SEMA6D: variants seen among roughly 807,000 people sequenced by gnomAD.
SEMA6D encodes semaphorin-6D.
Under a neutral mutation model 106.6 loss-of-function variants are expected in SEMA6D, and 35 were observed. The ratio of observed to expected loss-of-function variants is 0.33; its 90% CI spans 0.25 to 0.44. The LOEUF (loss-of-function observed/expected upper bound fraction) is 0.44, where lower values mean the gene tolerates loss of function less well. Ranked by LOEUF, SEMA6D falls within the 20% of genes least tolerant of loss-of-function variation. The pLI is 1.00. For missense variants in SEMA6D, 1,185 were observed against 1,345.9 expected, an observed-to-expected ratio of 0.88 and a Z score of 1.87; for synonymous variants, 499 against 487.7, an observed-to-expected ratio of 1.02 and a Z score of -0.31.
rs148146794 is a variant in SEMA6D, at chr15:47,199,415, C to A, written c.-239+14997C>A. ...TGAGTAAGGCAAAGGTATAAGCAAGCCACTTAGAGCTCTGTACTCTAGGAA... is the reference window on the plus strand; with the variant it reads ...TGAGTAAGGCAAAGGTATAAGCAAGACACTTAGAGCTCTGTACTCTAGGAA... On this transcript the variant is annotated intron_variant, in intron 1 of 19. Transcript: ENST00000558014. Among the ~76,000 whole-genome samples, 25 of 152,242 alleles carry A rather than the reference C, an allele frequency of 1.6e-4. 1 individual carries two copies. In the East Asian group the frequency reaches 4.8e-3, roughly 29 times the overall value.
chr15:47,564,720 G>C (rs985473455), intron 3 of SEMA6D, among the ~76,000 whole-genome samples: 12 of 152,208 alleles, frequency 7.9e-5, no homozygotes, highest in Non-Finnish European at 8.8e-5. Context: ...TGAGACCATG[G>C]CCCAAAGTGA....
rs1382930457 is a variant in SEMA6D, at chr15:47,771,757, T to C, written c.3194T>C (p.Val1065Ala). Reference protein sequence around the residue: ...KPSFVPQTPSVRPLNKYTY With the variant: ...KPSFVPQTPSARPLNKYTY The stretch of plus-strand genomic sequence containing the variant: ...TCCTTTGTTCCTCAAACCCCATCTG[T>C]CAGACCACTGAACAAATACACATAC... Residue 1065 changes from valine (V) to alanine (A), a missense_variant, in exon 19 of 19, where the codon GTC (valine) becomes GCC (alanine). This residue lies in a region of SEMA6D where 750 missense variants were observed against 783.5 expected (regional missense o/e 0.96). Coordinates refer to ENST00000536845, the MANE Select transcript of SEMA6D (RefSeq NM_001358351.3). 1.2e-6 allele frequency: 2 copies of C among 1,613,746 alleles called. No individual in the cohort carries two copies. Among genetic ancestry groups the C allele is most frequent in the Non-Finnish European group, 1.7e-6 (2 of 1,179,830 alleles).
intron 1 of SEMA6D, among the ~76,000 whole-genome samples, chr15:47,294,029 C>CT (rs558386835): frequency 3.3e-5 from 5 of 152,046 alleles, no homozygotes; most frequent in South Asian, 2.1e-4. Context: ...GTTGAAGCAA[C>CT]TTTTTTTTGT....
At chr15:47,228,862 C>G (rs2031992084) in intron 1 of SEMA6D, among the ~76,000 whole-genome samples, 3 of 151,966 alleles carry the variant, frequency 2.0e-5, no homozygotes. Context: ...CACCTAGTGA[C>G]AAATAAATGA....
At chr15:47,437,473 T>C (rs1376023386) in intron 2 of SEMA6D, among the ~76,000 whole-genome samples, 1 of 152,088 alleles carries the variant, frequency 6.6e-6, no homozygotes, top group Non-Finnish European at 1.5e-5. Flanking sequence ...GAAAATAAAT[T>C]GTGTAAATTT....
chr15:47,635,174 C>T (rs2077364923), intron 4 of SEMA6D, among the ~76,000 whole-genome samples: 1 of 152,094 alleles, frequency 6.6e-6, no homozygotes, highest in African/African-American at 2.4e-5. Flanking sequence ...ATGGGAAAGA[C>T]ACTATGATGA....
chr15:47,516,618 A>G (rs1318376141), intron 3 of SEMA6D, among the ~76,000 whole-genome samples: 1 of 152,194 alleles, frequency 6.6e-6, no homozygotes, highest in Non-Finnish European at 1.5e-5. Context: ...ACTAAGGGAC[A>G]GAAAAGCCCC....
chr15:47,381,889 G>T (rs149975805), intron 1 of SEMA6D, among the ~76,000 whole-genome samples: 2 of 152,104 alleles, frequency 1.3e-5, no homozygotes, highest in African/African-American at 4.8e-5. Context: ...AATGGTCTTT[G>T]TCCTACTTGG....
rs73392821 is a variant in SEMA6D at position 47,641,639 on chromosome 15, A to G, written c.-55+40743A>G. On this transcript the variant is annotated intron_variant, in intron 4 of 19. Transcript: ENST00000558014. ...CCCTGGCTTTACCAGCTTAATTCCT[A>G]TTGTGTGTTGCAGGACATCACAGGC... Among the ~76,000 whole-genome samples the G allele has an allele frequency of 8.3e-3, 1,260 of 152,202 alleles. 14 individuals carry two copies. The highest frequency in any genetic ancestry group is 0.029 in the African/African-American group (1,221 of 41,532).
intron 4 of SEMA6D, among the ~76,000 whole-genome samples, chr15:47,606,916 GC>G (rs1423128531): frequency 2.0e-5 from 3 of 152,092 alleles, no homozygotes; most frequent in Admixed American, 6.5e-5. Context: ...GAGATGCCTG[GC>G]CCAAACCACA....
At chr15:47,283,695 A>G (rs1334391541) in intron 1 of SEMA6D, among the ~76,000 whole-genome samples, 1 of 152,108 alleles carries the variant, frequency 6.6e-6, no homozygotes, top group African/African-American at 2.4e-5. Context: ...GCTGGAGACA[A>G]TTTGAGGCTA....
chr15:47,282,005 C>G (rs1358999934), intron 1 of SEMA6D, among the ~76,000 whole-genome samples: 1 of 152,118 alleles, frequency 6.6e-6, no homozygotes, highest in East Asian at 1.9e-4. Context: ...TATCCTTCCT[C>G]CATTACAATA....
At chr15:47,417,447 G>GTC (rs1205112933) in intron 2 of SEMA6D, among the ~76,000 whole-genome samples, 46 of 151,242 alleles carry the variant, frequency 3.0e-4, no homozygotes, top group Non-Finnish European at 6.5e-4. Flanking sequence ...GTGTGTCAGA[G>GTC]AGAGAGAGAG....
chr15:47,568,833 C>T (rs1020199915), intron 3 of SEMA6D, among the ~76,000 whole-genome samples: 9 of 152,100 alleles, frequency 5.9e-5, no homozygotes, highest in African/African-American at 2.2e-4. Flanking sequence ...TGAGCTAACA[C>T]ACATAACAGT....
chr15:47,564,191 A>T (rs560607861), intron 3 of SEMA6D, among the ~76,000 whole-genome samples: 17 of 152,354 alleles, frequency 1.1e-4, no homozygotes, highest in Non-Finnish European at 2.1e-4. Flanking sequence ...AGATATTAAA[A>T]ATACAAAAGA....
chr15:47,371,529 C>T (rs1296131312), intron 1 of SEMA6D, among the ~76,000 whole-genome samples: 1 of 152,052 alleles, frequency 6.6e-6, no homozygotes, highest in Admixed American at 6.5e-5. Flanking sequence ...GGTGCAAATG[C>T]CAGAAACTCC....
intron 4 of SEMA6D, among the ~76,000 whole-genome samples, chr15:47,638,700 T>G (rs2077434676): frequency 6.6e-6 from 1 of 152,254 alleles, no homozygotes; most frequent in Admixed American, 6.5e-5. Context: ...CATTAGTTGT[T>G]AATTTGGATT....
chr15:47,493,000 C>T (rs1459748185), intron 3 of SEMA6D, among the ~76,000 whole-genome samples: 1 of 152,112 alleles, frequency 6.6e-6, no homozygotes, highest in East Asian at 1.9e-4. Flanking sequence ...AAACTAAGAG[C>T]TTACTCCTGC....
intron 1 of SEMA6D, among the ~76,000 whole-genome samples, chr15:47,220,190 A>T (rs2031061594): frequency 6.6e-6 from 1 of 152,206 alleles, no homozygotes; most frequent in Admixed American, 6.5e-5. Flanking sequence ...CTGCAAAGCC[A>T]CATTGCAAAT....
Sources: gnomAD v4.1 joint callset for allele counts (sites outside exome capture counted in the v4.1 genomes callset) on GRCh38, gnomAD v4.1.1 for gene constraint, gnomAD v4.1.1 regional missense constraint, MANE v1.5 for transcripts, NCBI Gene and HGNC (gene_info 2026-07-23, HGNC 2026-07-21) for gene names.